DNAH5: variants seen among roughly 807,000 people sequenced by gnomAD.
The protein encoded by DNAH5 is dynein axonemal heavy chain 5.
A neutral mutation model predicts 518.2 loss-of-function variants in DNAH5; 372 were observed. The ratio of observed to expected loss-of-function variants is 0.72; its 90% CI spans 0.66 to 0.78. The LOEUF is 0.78. Ranked by LOEUF, DNAH5 falls within the 30% of genes least tolerant of loss-of-function variation. The pLI is 0.00. For synonymous variants in DNAH5, 2,039 were observed against 2,025.9 expected, an observed-to-expected ratio of 1.01 and a Z score of -0.17; for missense variants, 5,523 against 5,687.0, an observed-to-expected ratio of 0.97 and a Z score of 0.93.
At chr5:13,788,975 G>C (rs1055729068) in intron 50 of DNAH5, 61 bp from the exon 51 acceptor site, 1 of 1,456,910 alleles carries the variant, frequency 6.9e-7, no homozygotes, top group African/African-American at 1.4e-5. Flanking sequence ...TGGGAATTCA[G>C]GTTGACAGTA....
chr5:13,748,676 T>A (rs1228801969), intron 65 of DNAH5, among the ~76,000 whole-genome samples: 1 of 152,190 alleles, frequency 6.6e-6, no homozygotes, highest in Non-Finnish European at 1.5e-5. Flanking sequence ...TTTGGCTCTC[T>A]GTTTGCCTGT....
chr5:13,721,851 T>C (rs1398312770), intron 70 of DNAH5, among the ~76,000 whole-genome samples: 1 of 152,200 alleles, frequency 6.6e-6, no homozygotes, highest in East Asian at 1.9e-4. Context: ...TCAACTTTAT[T>C]ACAACCATAG....
At position 13,749,196 on chromosome 5, in the gene DNAH5, G is replaced by A. The variant is rs566657782; in HGVS notation, c.11211+1882C>T. ...GGAACAAAATAAATAAAGGTTAGGCGTTATAATGCTGTTCACATTATAAAA... is the reference window on the plus strand; with the variant it reads ...GGAACAAAATAAATAAAGGTTAGGCATTATAATGCTGTTCACATTATAAAA... On this transcript the variant is annotated intron_variant, in intron 65 of 78. Transcript: ENST00000265104. Among the ~76,000 whole-genome samples, 9 of 152,106 alleles carry A rather than the reference G, an allele frequency of 5.9e-5. No individual in the cohort carries two copies. The South Asian group carries it at 6.2e-4, about 11-fold the overall frequency.
At chr5:13,981,587 C>T (rs2152067058) in intron 1 of DNAH5, among the ~76,000 whole-genome samples, 2 of 152,270 alleles carry the variant, frequency 1.3e-5, no homozygotes, top group Middle Eastern at 6.8e-3. Flanking sequence ...TCTCCCCCAT[C>T]TTCCAAGCAG....
rs147483390 is a variant in DNAH5, at chr5:13,798,473, T to C, written c.7888-4415A>G. On this transcript the variant is annotated intron_variant, in intron 47 of 78. Transcript: ENST00000265104. ...TTATATAACTGTAGGAATCCACTAA[T>C]GCATGATTTTAAATCATGTTAAAGA... Among the ~76,000 whole-genome samples the C allele has an allele frequency of 3.9e-3, 601 of 152,210 alleles. 3 individuals carry two copies. The highest frequency in any genetic ancestry group is 9.2e-3 in the Admixed American group (141 of 15,288).
chr5:13,862,095 T>C (rs1768533341), intron 29 of DNAH5, among the ~76,000 whole-genome samples: 1 of 152,172 alleles, frequency 6.6e-6, no homozygotes, highest in African/African-American at 2.4e-5. Context: ...ATGATTATTC[T>C]GAAATTCAAA....
chr5:13,951,057 G>T lies in DNAH5; in HGVS notation c.13-19813C>A, dbSNP rs575698113. ...TTCTTGCTTTATGAAAGCATTAGGA[G>T]CTGATGGTCTTCACATTTTGCTACC... On this transcript the variant is annotated intron_variant, in intron 1 of 78. Transcript: ENST00000681290. Among the ~76,000 whole-genome samples the T allele has an allele frequency of 8.5e-5, 13 of 152,154 alleles. No homozygotes were observed. In the South Asian group the frequency reaches 1.7e-3, roughly 19 times the overall value.
chr5:13,971,544 C>T (rs1253159843), intron 1 of DNAH5, among the ~76,000 whole-genome samples: 1 of 152,140 alleles, frequency 6.6e-6, no homozygotes. Context: ...TGTTATTTCT[C>T]TTCTGGGTCT....
chr5:13,752,210 T>C lies in DNAH5; in HGVS notation c.10952A>G (p.Asp3651Gly). Residue 3651 changes from aspartate (D) to glycine (G), a missense_variant, in exon 64 of 79, where the codon GAT becomes GGT. By Grantham distance (94) the Asp-to-Gly change is moderately conservative (BLOSUM62 -1). Coordinates refer to ENST00000265104, the MANE Select transcript of DNAH5 (RefSeq NM_001369.3). Reference sequence around the variant, plus strand: ...TGCTGGATCTAGTTCCTCTCCAACATCTTCAATAAGCAAAGGCCTTCCAAG... The same window carrying C: ...TGCTGGATCTAGTTCCTCTCCAACACCTTCAATAAGCAAAGGCCTTCCAAG... ...LSLGRPLLIE[D>G]VGEELDPALD... The C allele has an allele frequency of 6.2e-7, 1 of 1,614,056 alleles. No homozygotes were observed. Among genetic ancestry groups the C allele is most frequent in the East Asian group, 2.2e-5 (1 of 44,874 alleles).
intron 21 of DNAH5, among the ~76,000 whole-genome samples, chr5:13,877,834 A>C (rs58025398): frequency 0.07 from 10,595 of 152,226 alleles, 725 homozygotes; most frequent in African/African-American, 0.18. Flanking sequence ...TAGACACACA[A>C]GAGTCTCTCT....
At chr5:13,953,339 G>C (rs971135201) in intron 1 of DNAH5, among the ~76,000 whole-genome samples, 63 of 152,206 alleles carry the variant, frequency 4.1e-4, no homozygotes, top group African/African-American at 1.5e-3. Flanking sequence ...GTAATACCTT[G>C]TTCCTGCTTC....
chr5:13,731,471 C>T (rs910434000), intron 68 of DNAH5, among the ~76,000 whole-genome samples: 6 of 152,096 alleles, frequency 3.9e-5, no homozygotes, highest in Admixed American at 6.6e-5. Context: ...ACTAACCTGC[C>T]GGCTCCCAAA....
chr5:13,824,955 A>G (rs1026632988), intron 38 of DNAH5, among the ~76,000 whole-genome samples: 1 of 152,198 alleles, frequency 6.6e-6, no homozygotes, highest in Non-Finnish European at 1.5e-5. Flanking sequence ...TATTTATCCA[A>G]TTATTGTGAA....
chr5:13,832,723 A>C (rs1316930783), intron 35 of DNAH5, among the ~76,000 whole-genome samples: 1 of 152,174 alleles, frequency 6.6e-6, no homozygotes, highest in African/African-American at 2.4e-5. Flanking sequence ...GTACTATATG[A>C]ACATTGGTTG....
chr5:13,931,130 C>T lies in DNAH5; in HGVS notation c.172G>A (p.Ala58Thr), dbSNP rs770299088. 3.7e-6 allele frequency: 6 copies of T among 1,614,128 alleles called. No homozygotes were observed. In the South Asian group the frequency reaches 6.6e-5, roughly 18 times the overall value. ...LDLNKTEVED[A>T]ILEGNQIERI... ...CCCACCTGATTCCCTTCAAGAATGG[C>T]ATCCTCCACTTCGGTTTTGTTCAGG... Residue 58 changes from alanine to threonine, a missense_variant, in exon 2 of 79, where the codon GCC becomes ACC. Transcript: ENST00000265104.
rs757689131 is a variant in DNAH5 at position 13,870,812 on chromosome 5, T to C, written c.3789A>G (p.Ile1263Met). 1.9e-6 allele frequency: 3 copies of C among 1,613,806 alleles called. No homozygotes were observed. Among genetic ancestry groups the C allele is most frequent in the Non-Finnish European group, 1.7e-6 (2 of 1,179,812 alleles). ...IRIAMAALKE[I>M]REEQISIDFQ... ...AGTCAATGGAGATTTGCTCCTCCCT[T>C]ATTTCTTTCAGCGCTGCCATTGCAA... Residue 1263 changes from isoleucine to methionine, a missense_variant, in exon 24 of 79, where the codon ATA (isoleucine) becomes ATG (methionine). Ile to Met is a conservative substitution (Grantham distance 10). Around this residue, in one of 3 missense-constraint regions of DNAH5, gnomAD observed 5,121 missense variants for 5,223.3 expected, o/e 0.98. Transcript: ENST00000265104.
Position 13,891,009 on chromosome 5 carries a change from T to C in DNAH5, c.2544A>G (p.Pro848=). 1 of 1,614,196 alleles carries C rather than the reference T, an allele frequency of 6.2e-7. No homozygotes were observed. Among genetic ancestry groups the C allele is most frequent in the Non-Finnish European group, 8.5e-7 (1 of 1,180,014 alleles). ...TPLCQLPQEE[P]LTCEEFLQMT... is the part of the protein sequence containing the mutation. Reference sequence around the variant, plus strand: ...TTTGGAGAAACTCTTCACAGGTTAGTGGCTCCTCCTGGGGAAGCTGACAAA... The same window carrying C: ...TTTGGAGAAACTCTTCACAGGTTAGCGGCTCCTCCTGGGGAAGCTGACAAA... Residue 848 remains proline, a synonymous_variant, in exon 17 of 79, where the codon CCA becomes CCG. Transcript: ENST00000265104.
At chr5:13,842,441 A>AGAGAGAGAGAGAGAG (rs1765349629) in intron 32 of DNAH5, among the ~76,000 whole-genome samples, 3 of 102,150 alleles carry the variant, frequency 2.9e-5, no homozygotes, top group African/African-American at 1.3e-4. Flanking sequence ...GAAAGAAAGA[A>AGAGAGAGAGAGAGAG]AGAAAGAAAG....
Position 13,792,181 on chromosome 5 carries a change from C to T in DNAH5, c.8261G>A (p.Gly2754Asp), listed in dbSNP as rs546101625. ...AGAATCTCTCACTTCTTCTGAGAAA[C>T]CCCTCTGAGTACAGTAGTGGCCTAC... Reference protein sequence around the residue: ...IGVGHYCTQRGFSEEVRDSVT... With the variant: ...IGVGHYCTQRDFSEEVRDSVT... The change falls in exon 50 of 79, where the codon GGT becomes GAT. Residue 2754 changes from glycine to aspartate, a missense_variant. Around this residue, in one of 3 missense-constraint regions of DNAH5, gnomAD observed 5,121 missense variants for 5,223.3 expected, o/e 0.98. Coordinates refer to ENST00000265104, the MANE Select transcript of DNAH5 (RefSeq NM_001369.3). The T allele has an allele frequency of 1.6e-5, 26 of 1,613,990 alleles. 1 individual carries two copies. In the South Asian group the frequency reaches 2.5e-4, roughly 16 times the overall value.
Sources: gnomAD v4.1 joint callset for allele counts (sites outside exome capture counted in the v4.1 genomes callset) on GRCh38, gnomAD v4.1.1 for gene constraint, gnomAD v4.1.1 regional missense constraint, MANE v1.5 for transcripts, NCBI Gene and HGNC (gene_info 2026-07-23, HGNC 2026-07-21) for gene names.